The following NAGK variants were observed in gnomAD, a reference collection of about 807,000 sequenced individuals.
The protein encoded by NAGK is N-acetylglucosamine kinase.
A neutral mutation model predicts 42.9 loss-of-function variants in NAGK; 35 were observed. The observed-to-expected ratio is 0.82, with a 90% CI of 0.62 to 1.08. The LOEUF is 1.08. NAGK is among the 50% of genes least tolerant of loss of function. The pLI is 0.00. For missense variants in NAGK, 446 were observed against 446.0 expected, an observed-to-expected ratio of 1.00 and a Z score of 0.00; for synonymous variants, 172 against 176.0, an observed-to-expected ratio of 0.98 and a Z score of 0.18.
Position 71,079,146 on chromosome 2 carries a change from A to G in NAGK, c.*638A>G, listed in dbSNP as rs764707688. On this transcript the variant is annotated 3_prime_UTR_variant, in exon 10 of 10. Transcript: ENST00000244204. ...AGGTTATGAGGATGGCTGAGATCCA[A>G]GAAGACCAACTAGGTACCGCTCACC... The G allele has an allele frequency of 6.6e-6, 1 of 152,386 alleles. No homozygotes were observed. The highest frequency in any genetic ancestry group is 1.5e-5 in the Non-Finnish European group (1 of 68,162). The allele number at this position is 152,386 out of a possible 1,614,324, so 9.4% of individuals were successfully genotyped here. A position where few individuals can be genotyped will look rare whatever the true frequency, so the allele number is the denominator to read the frequency against.
chr2:71,077,674 G>A (rs761149113), intron 9 of NAGK, 38 bp downstream of exon 9: 1 of 1,571,638 alleles, frequency 6.4e-7, no homozygotes, highest in Admixed American at 1.9e-5. Context: ...AAGGGCAGGG[G>A]ACGGGGCTGG....
At chr2:71,075,793 G>GC in intron 7 of NAGK, 151 bp downstream of exon 7, 1 of 730,632 alleles carries the variant, frequency 1.4e-6, no homozygotes, top group Non-Finnish European at 2.3e-6. Context: ...GTGGTGGTGG[G>GC]CCTTGGGGTG....
chr2:71,073,135 GTGTT>G, intron 5 of NAGK: 1 of 462,162 alleles, frequency 2.2e-6, no homozygotes, highest in Non-Finnish European at 4.0e-6. Flanking sequence ...TAGGTAGTGT[GTGTT>G]TATTTTCATA....
rs985890927 is a variant in NAGK, at chr2:71,078,322, T to C, written c.849T>C (p.Phe283=). ...WKSWELLKEG[F]LLALTQGREI... ...TCCTTGTGTTCTTCCCTCCAGGTTTTCTTCTGGCGCTGACCCAGGGCAGAG... is the reference window on the plus strand; with the variant it reads ...TCCTTGTGTTCTTCCCTCCAGGTTTCCTTCTGGCGCTGACCCAGGGCAGAG... The change falls in exon 10 of 10, where the codon TTT becomes TTC. Residue 283 remains phenylalanine (F), a synonymous_variant. Transcript: ENST00000244204. 2 of 1,614,120 alleles carry C rather than the reference T, an allele frequency of 1.2e-6. No homozygotes were observed. The highest frequency in any genetic ancestry group is 4.5e-5 in the East Asian group (2 of 44,882).
chr2:71,075,707 G>T, intron 7 of NAGK, 65 bp downstream of exon 7: 1 of 1,464,210 alleles, frequency 6.8e-7, no homozygotes, highest in South Asian at 1.2e-5. Flanking sequence ...TTGGGAGATT[G>T]AGTGGGGTTC....
chr2:71,068,388 C>T, upstream of NAGK: 1 of 1,085,004 alleles, frequency 9.2e-7, no homozygotes, highest in Non-Finnish European at 1.2e-6. Flanking sequence ...CTCTTTGATT[C>T]CTCCTCTTGG....
rs950716238 is a variant in NAGK, at chr2:71,076,620, C to T, written c.684C>T (p.Asp228=). Reference sequence around the variant, plus strand: ...CTACCCCAGGTGCTCAGCAGGGAGACCCCCTTTCCCGCTATATCTTCAGGA... The same window carrying T: ...CTACCCCAGGTGCTCAGCAGGGAGATCCCCTTTCCCGCTATATCTTCAGGA... ...RKIAEGAQQG[D]PLSRYIFRKA... is the part of the protein sequence containing the mutation. The change falls in exon 8 of 10, where the codon GAC becomes GAT. Residue 228 remains aspartate (D), a synonymous_variant. Transcript: ENST00000244204. 5 of 1,613,556 alleles carry T rather than the reference C, an allele frequency of 3.1e-6. No individual in the cohort carries two copies. Among genetic ancestry groups the T allele is most frequent in the Non-Finnish European group, 1.7e-6 (2 of 1,179,620 alleles).
intron 6 of NAGK, chr2:71,075,274 C>A: frequency 1.0e-5 from 3 of 289,928 alleles, no homozygotes; most frequent in East Asian, 6.2e-5. Flanking sequence ...AAAAAAATTA[C>A]AAAAAAAGAG....
chr2:71,071,432 CA>C (rs1671997124), intron 3 of NAGK: 1 of 491,760 alleles, frequency 2.0e-6, no homozygotes, highest in Non-Finnish European at 3.6e-6. Flanking sequence ...CTGTTAAGAG[CA>C]CTACTGCCCT....
At chr2:71,073,456 T>C (rs1369680001) in intron 5 of NAGK, 26 bp from the exon 6 acceptor site, 7 of 1,540,478 alleles carry the variant, frequency 4.5e-6, no homozygotes, top group Non-Finnish European at 5.4e-6. Flanking sequence ...TGCTCCCATC[T>C]TCTTAGCCCT....
intron 6 of NAGK, chr2:71,074,986 A>C (rs1418741795): frequency 6.6e-6 from 1 of 152,402 alleles, no homozygotes; most frequent in East Asian, 1.9e-4. Context: ...AAGATGTATA[A>C]GTTTGTTGGG....
At chr2:71,076,577 T>A in intron 7 of NAGK, 27 bp from the exon 8 acceptor site, 1 of 1,562,138 alleles carries the variant, frequency 6.4e-7, no homozygotes, top group East Asian at 2.3e-5. Context: ...TCTCACCAGT[T>A]TCCTTCTTCC....
intron 7 of NAGK, 46 bp downstream of exon 7, chr2:71,075,688 G>T (rs368353050): frequency 6.5e-7 from 1 of 1,545,104 alleles, no homozygotes; most frequent in Non-Finnish European, 8.9e-7. Context: ...GTTCTCCAAA[G>T]ATCCCCAGTT....
At position 71,070,783 on chromosome 2, in the gene NAGK, G is replaced by A; in HGVS notation, c.157G>A (p.Val53Met). The change falls in exon 3 of 10, where the codon GTG (valine) becomes ATG (methionine). Residue 53 changes from valine to methionine, a missense_variant. Transcript: ENST00000244204. ...DKCVERINEM[V>M]NRAKRKAGVD... ...GTGTGTGGAGAGGATCAATGAGATG[G>A]TGAACAGGGCCAAACGGAAAGCAGG... is the stretch of plus-strand genomic sequence containing the variant. The A allele has an allele frequency of 6.2e-7, 1 of 1,614,218 alleles. No homozygotes were observed. Among genetic ancestry groups the A allele is most frequent in the South Asian group, 1.1e-5 (1 of 91,088 alleles).
intron 7 of NAGK, 197 bp from the exon 8 acceptor site, chr2:71,076,407 T>C (rs1275161433): frequency 1.9e-6 from 1 of 534,246 alleles, no homozygotes; most frequent in African/African-American, 1.9e-5. Flanking sequence ...GGCACCCCTC[T>C]ACAGAGGGAG....
Position 71,070,802 on chromosome 2 carries a change from A to C in NAGK, c.176A>C (p.Lys59Thr), listed in dbSNP as rs1263980935. ...INEMVNRAKRKAGVDPLVPLR... is the reference protein window; with the variant it reads ...INEMVNRAKRTAGVDPLVPLR... ...GAGATGGTGAACAGGGCCAAACGGA[A>C]AGCAGGGGTGGATCCTCTGGTACCG... is the stretch of plus-strand genomic sequence containing the variant. The change falls in exon 3 of 10, where the codon AAA (lysine) becomes ACA (threonine). Residue 59 changes from lysine to threonine, a missense_variant. Coordinates refer to ENST00000244204, the MANE Select transcript of NAGK (RefSeq NM_017567.6). 2 of 1,614,178 alleles carry C rather than the reference A, an allele frequency of 1.2e-6. No homozygotes were observed. The highest frequency in any genetic ancestry group is 8.5e-7 in the Non-Finnish European group (1 of 1,180,018).
At chr2:71,069,055 G>C in intron 1 of NAGK, 1 of 1,061,464 alleles carries the variant, frequency 9.4e-7, no homozygotes, top group Non-Finnish European at 1.1e-6. Context: ...TGCAGAACAG[G>C]TGTCAGGTGT....
intron 5 of NAGK, 158 bp from the exon 6 acceptor site, chr2:71,073,324 A>AAC: frequency 1.6e-5 from 3 of 188,390 alleles, no homozygotes; most frequent in Admixed American, 6.2e-5. Flanking sequence ...AGACCCTCCC[A>AAC]CCCCCCTCTC....
rs1395710532 is a variant in NAGK, at chr2:71,071,638, A to AGCTGGG, written c.214-38_214-33dup. 1.0e-5 allele frequency: 16 copies of AGCTGGG among 1,563,854 alleles called. No individual in the cohort carries two copies. In the African/African-American group the frequency reaches 1.4e-4, roughly 13 times the overall value. ...AGGAGGGGGCGGGGGTTGAGAAAAG[A>AGCTGGG]GCTGGGGCTGGGGCTCTGCACACTC... is the stretch of plus-strand genomic sequence containing the variant. On this transcript the variant is annotated intron_variant, in intron 3 of 9. Transcript: ENST00000244204.
Sources: gnomAD v4.1 joint callset for allele counts on GRCh38, gnomAD v4.1.1 for gene constraint, MANE v1.5 for transcripts, NCBI Gene and HGNC (gene_info 2026-07-23, HGNC 2026-07-21) for gene names.